Variants in DAXX observed in about 807,000 individuals in gnomAD.
DAXX encodes death domain-associated protein 6.
Under a neutral mutation model 61.9 loss-of-function variants are expected in DAXX, and 24 were observed. The ratio of observed to expected loss-of-function variants is 0.39; its 90% CI spans 0.28 to 0.55. DAXX has a LOEUF of 0.55. DAXX is among the 20% of genes least tolerant of loss of function. DAXX has a pLI of 0.69. For missense variants in DAXX, 819 were observed against 935.3 expected (o/e 0.88, Z 1.62); for synonymous variants, 357 against 369.5 (o/e 0.97, Z 0.39).
rs116382514 is a variant in DAXX, at chr6:33,322,548, C to A, written c.-53+314G>T. ...GGGGCTTTAGGTTGAAGATATTTTA[C>A]CCAAGTCCCCTCCCTTTCACCCCAC... On this transcript the variant is annotated intron_variant, in intron 1 of 7. Transcript: ENST00000374542. 1,296 of 244,330 alleles carry A rather than the reference C, an allele frequency of 5.3e-3. 9 individuals are homozygous for A. The highest frequency in any genetic ancestry group is 0.016 in the African/African-American group (682 of 43,202). The allele number at this position is 244,330 out of a possible 1,614,324, so 15.1% of individuals were successfully genotyped here. A position where few individuals can be genotyped will look rare whatever the true frequency, so the allele number is the denominator to read the frequency against.
rs2150999431 is a variant in DAXX, at chr6:33,321,762, C to T, written c.164G>A (p.Gly55Asp). 1 of 1,613,320 alleles carries T rather than the reference C, an allele frequency of 6.2e-7. No homozygotes were observed. Among genetic ancestry groups the T allele is most frequent in the Non-Finnish European group, 8.5e-7 (1 of 1,179,794 alleles). Residue 55 changes from glycine (G) to aspartate (D), a missense_variant, in exon 2 of 8, where the codon GGC becomes GAC. Transcript: ENST00000374542. This position sits in a 1 kb window ranked among gnomAD's most constrained non-coding sequence, Gnocchi z 7.2. ...HGARGSSSSGGKKCYKLENEK... is the reference protein window; with the variant it reads ...HGARGSSSSGDKKCYKLENEK... ...ATTCTCCAGCTTGTAGCATTTCTTG[C>T]CGCCCGAACTACTGCTTCCTCTGGC...
chr6:33,319,906 T>C, intron 5 of DAXX, 52 bp from the exon 6 acceptor site: 1 of 1,594,722 alleles, frequency 6.3e-7, no homozygotes, highest in Non-Finnish European at 8.5e-7. Flanking sequence ...GGGGAAAAAA[T>C]ACTGCTGAGA....
Position 33,318,974 on chromosome 6 carries a change from G to C in DAXX, c.2163+23C>G, listed in dbSNP as rs200614980. The C allele has an allele frequency of 3.1e-6, 5 of 1,591,938 alleles. No homozygotes were observed. The African/African-American group carries it at 6.7e-5, about 21-fold the overall frequency. On this transcript the variant is annotated intron_variant, in intron 7 of 7. Transcript: ENST00000374542. ...AATGAAAGAGAACAAATTGTCAGAGGAAACACGCCCTCCCCTTCTTACCTT... is the reference window on the plus strand; with the variant it reads ...AATGAAAGAGAACAAATTGTCAGAGCAAACACGCCCTCCCCTTCTTACCTT...
At position 33,319,163 on chromosome 6, in the gene DAXX, A is replaced by G. The variant is rs1770201947; in HGVS notation, c.1997T>C (p.Leu666Pro). 6.2e-7 allele frequency: 1 copy of G among 1,613,730 alleles called. No homozygotes were observed. Among genetic ancestry groups the G allele is most frequent in the African/African-American group, 1.3e-5 (1 of 74,942 alleles). Residue 666 changes from leucine (L) to proline (P), a missense_variant, in exon 7 of 8, where the codon CTG becomes CCG. Leu to Pro is a moderately conservative substitution (Grantham distance 98). Transcript: ENST00000374542. ...AGCCAAGGGGGAAGGTGGGCTGGGCAGGGTACATATCTTTTTCCCATTCTT... is the reference window on the plus strand; with the variant it reads ...AGCCAAGGGGGAAGGTGGGCTGGGCGGGGTACATATCTTTTTCCCATTCTT... ...HEKNGKKICT[L>P]PSPPSPLASL...
rs760369795 is a variant in DAXX at position 33,320,123 on chromosome 6, C to T, written c.1353G>A (p.Glu451=). The change falls in exon 5 of 8, where the codon GAG becomes GAA. Residue 451 remains glutamate (E), a synonymous_variant. Transcript: ENST00000374542. This position sits in a 1 kb window ranked among gnomAD's most constrained non-coding sequence, Gnocchi z 7.1. ...EESDEEEEEE[E]EEEEEEATDS... Reference sequence around the variant, plus strand: ...CTGTGGCCTCCTCCTCTTCTTCTTCCTCCTCCTCCTCCTCTTCCTCATCAC... The same window carrying T: ...CTGTGGCCTCCTCCTCTTCTTCTTCTTCCTCCTCCTCCTCTTCCTCATCAC... The T allele has an allele frequency of 1.5e-5, 24 of 1,581,752 alleles. No homozygotes were observed. Among genetic ancestry groups the T allele is most frequent in the Non-Finnish European group, 1.8e-5 (21 of 1,152,990 alleles).
chr6:33,321,504 G>A lies in DAXX; in HGVS notation c.271C>T (p.Arg91Trp), dbSNP rs761580201. ...HPEVVPFLYN[R>W]QQRAHSLFLA... Reference sequence around the variant, plus strand: ...AACAGAGAGTGGGCACGTTGCTGCCGGTTATAGAGGAATGGGACCACCTCA... The same window carrying A: ...AACAGAGAGTGGGCACGTTGCTGCCAGTTATAGAGGAATGGGACCACCTCA... The change falls in exon 3 of 8, where the codon CGG (arginine) becomes TGG (tryptophan). Residue 91 changes from arginine to tryptophan, a missense_variant. By Grantham distance (101) the Arg-to-Trp change is moderately radical. Transcript: ENST00000374542. This position sits in a 1 kb window ranked among gnomAD's most constrained non-coding sequence, Gnocchi z 7.2. The A allele has an allele frequency of 1.2e-6, 2 of 1,613,972 alleles. No individual in the cohort carries two copies. The highest frequency in any genetic ancestry group is 1.1e-5 in the South Asian group (1 of 91,078).
chr6:33,320,705 G>T lies in DAXX; in HGVS notation c.1039+31C>A, dbSNP rs761197665. ...TCCGCCTCATACCTGACATATAAGG[G>T]TCACTGAGAGGCATCCCACCAACCC... On this transcript the variant is annotated intron_variant, in intron 3 of 7. Coordinates refer to ENST00000374542, the MANE Select transcript of DAXX (RefSeq NM_001141969.2). The surrounding 1 kb of genome is among the most constrained non-coding windows in gnomAD (Gnocchi z 7.1). The T allele has an allele frequency of 2.5e-6, 4 of 1,610,804 alleles. No individual in the cohort carries two copies. The South Asian group carries it at 4.4e-5, about 18-fold the overall frequency.
At chr6:33,322,187 T>G (rs1770719449) in intron 1 of DAXX, among the ~76,000 whole-genome samples, 1 of 150,082 alleles carries the variant, frequency 6.7e-6, no homozygotes, top group Admixed American at 6.6e-5. Flanking sequence ...ACACCTTAAG[T>G]TGCCACCTTC....
chr6:33,321,192 G>A lies in DAXX; in HGVS notation c.583C>T (p.Leu195=), dbSNP rs762188323. The change falls in exon 3 of 8, where the codon CTG becomes TTG. Residue 195 remains leucine, a synonymous_variant. Coordinates refer to ENST00000374542, the MANE Select transcript of DAXX (RefSeq NM_001141969.2). The surrounding 1 kb of genome is among the most constrained non-coding windows in gnomAD (Gnocchi z 7.2). ...CGGATCTCTGCCACATAGAGCGCCA[G>A]CAGCTGCTCCAAACGCTGGATCTGC... ...RRQIQRLEQL[L]ALYVAEIRRL... The A allele has an allele frequency of 3.7e-6, 6 of 1,613,360 alleles. No homozygotes were observed. In the African/African-American group the frequency reaches 6.7e-5, roughly 18 times the overall value.
At chr6:33,319,349 G>C (rs2150988076) in intron 6 of DAXX, 31 bp downstream of exon 6, 1 of 1,593,964 alleles carries the variant, frequency 6.3e-7, no homozygotes, top group African/African-American at 1.3e-5. Flanking sequence ...TCCCTCCTTG[G>C]CTTCCCTCTT....
chr6:33,319,402 C>T lies in DAXX; in HGVS notation c.1918G>A (p.Gly640Arg), dbSNP rs1231150035. 1 of 1,612,660 alleles carries T rather than the reference C, an allele frequency of 6.2e-7. No homozygotes were observed. The highest frequency in any genetic ancestry group is 1.3e-5 in the African/African-American group (1 of 74,860). Residue 640 changes from glycine to arginine, a missense_variant, in exon 6 of 8, where the codon GGA (glycine) becomes AGA (arginine). Coordinates refer to ENST00000374542, the MANE Select transcript of DAXX (RefSeq NM_001141969.2). Reference sequence around the variant, plus strand: ...TACCTGTTTCCTAATGGCCCTGATCCTGTTTGCTTCTTCTCCTTCCGAGAT... The same window carrying T: ...TACCTGTTTCCTAATGGCCCTGATCTTGTTTGCTTCTTCTCCTTCCGAGAT... ...KKSRKEKKQTGSGPLGNSYVE... is the reference protein window; with the variant it reads ...KKSRKEKKQTRSGPLGNSYVE...
chr6:33,319,032 G>A lies in DAXX; in HGVS notation c.2128C>T (p.Pro710Ser), dbSNP rs1220262187. 3 of 1,613,724 alleles carry A rather than the reference G, an allele frequency of 1.9e-6. No homozygotes were observed. The highest frequency in any genetic ancestry group is 2.5e-6 in the Non-Finnish European group (3 of 1,180,010). ...IPSPARLSQT[P>S]HSQPPRPGTC... ...CCAGGCCGAGGAGGCTGTGAATGGGGGGTTTGGGACAGCCGGGCTGGAGAA... is the reference window on the plus strand; with the variant it reads ...CCAGGCCGAGGAGGCTGTGAATGGGAGGTTTGGGACAGCCGGGCTGGAGAA... The change falls in exon 7 of 8, where the codon CCC becomes TCC. Residue 710 changes from proline (P) to serine (S), a missense_variant. Pro to Ser is a moderately conservative substitution (Grantham distance 74, BLOSUM62 -1). Coordinates refer to ENST00000374542, the MANE Select transcript of DAXX (RefSeq NM_001141969.2).
rs772837276 is a variant in DAXX, at chr6:33,320,555, C to A, written c.1076G>T (p.Arg359Leu). Residue 359 changes from arginine (R) to leucine (L), a missense_variant, in exon 4 of 8, where the codon CGG becomes CTG. Physicochemically the swap from Arg to Leu is moderately radical, Grantham distance 102 (BLOSUM62 -2). Transcript: ENST00000374542. This position sits in a 1 kb window ranked among gnomAD's most constrained non-coding sequence, Gnocchi z 7.1. ...DPALSDPVLA[R>L]RLRENRSLAM... is the part of the protein sequence containing the mutation. ...CAAACTCCGGTTTTCCCGAAGGCGC[C>A]GGGCCAACACAGGATCTGATAGTGC... 3 of 1,613,940 alleles carry A rather than the reference C, an allele frequency of 1.9e-6. No individual in the cohort carries two copies. Among genetic ancestry groups the A allele is most frequent in the South Asian group, 2.2e-5 (2 of 91,082 alleles).
Position 33,320,883 on chromosome 6 carries a change from C to T in DAXX, c.892G>A (p.Ala298Thr), listed in dbSNP as rs2150994513. ...DVLRAVEKAA[A>T]RHSLGLPRQQ... ...CGGGGGAGGCCAAGGCTGTGTCGGG[C>T]AGCTGCCTTCTCTACAGCCCGAAGC... The change falls in exon 3 of 8, where the codon GCC (alanine) becomes ACC (threonine). Residue 298 changes from alanine to threonine, a missense_variant. Physicochemically the swap from Ala to Thr is moderately conservative, Grantham distance 58. Transcript: ENST00000374542. The surrounding 1 kb of genome is among the most constrained non-coding windows in gnomAD (Gnocchi z 7.1). 1.9e-6 allele frequency: 3 copies of T among 1,614,186 alleles called. No homozygotes were observed. The highest frequency in any genetic ancestry group is 2.5e-6 in the Non-Finnish European group (3 of 1,180,018).
chr6:33,318,971 G>T (rs1320515746), intron 7 of DAXX, 26 bp downstream of exon 7: 1 of 1,587,694 alleles, frequency 6.3e-7, no homozygotes, highest in South Asian at 1.1e-5. Context: ...CAAATTGTCA[G>T]AGGAAACACG....
intron 1 of DAXX, 50 bp downstream of exon 1, chr6:33,322,812 C>G: frequency 1.1e-6 from 1 of 915,404 alleles, no homozygotes. Flanking sequence ...AATACCTCTC[C>G]CTCTATATCC....
chr6:33,322,825 G>T (rs1331292456), intron 1 of DAXX, 37 bp downstream of exon 1: 9 of 552,286 alleles, frequency 1.6e-5, no homozygotes, highest in Admixed American at 3.2e-5. Flanking sequence ...CTATATCCCC[G>T]CCCCCGCCTC....
At position 33,321,666 on chromosome 6, in the gene DAXX, C is replaced by A; in HGVS notation, c.207+53G>T. 3.1e-6 allele frequency: 5 copies of A among 1,601,434 alleles called. No individual in the cohort carries two copies. The highest frequency in any genetic ancestry group is 4.3e-6 in the Non-Finnish European group (5 of 1,171,372). ...AGTGGGAAAGAAAGGACAGGAGAAC[C>A]AGTCAGCCATCCCCCTCCCTGGGGT... On this transcript the variant is annotated intron_variant, in intron 2 of 7. Transcript: ENST00000374542. The surrounding 1 kb of genome is among the most constrained non-coding windows in gnomAD (Gnocchi z 7.2).
rs1770587791 is a variant in DAXX at position 33,321,356 on chromosome 6, T to C, written c.419A>G (p.Lys140Arg). Residue 140 changes from lysine (K) to arginine (R), a missense_variant, in exon 3 of 8, where the codon AAA (lysine) becomes AGA (arginine). Lys to Arg is a conservative substitution (Grantham distance 26). Transcript: ENST00000374542. This position sits in a 1 kb window ranked among gnomAD's most constrained non-coding sequence, Gnocchi z 7.2. ...LCTVLKAHSA[K>R]KKLNLAPAAT... ...GGCAGGGGCCAAGTTCAGCTTCTTTTTGGCTGAGTGGGCCTTGAGAACAGT... is the reference window on the plus strand; with the variant it reads ...GGCAGGGGCCAAGTTCAGCTTCTTTCTGGCTGAGTGGGCCTTGAGAACAGT... The C allele has an allele frequency of 1.9e-6, 3 of 1,613,362 alleles. No individual in the cohort carries two copies. The South Asian group carries it at 3.3e-5, about 18-fold the overall frequency.
Sources: gnomAD v4.1 joint callset for allele counts (sites outside exome capture counted in the v4.1 genomes callset) on GRCh38, gnomAD v4.1.1 for gene constraint, Gnocchi (gnomAD v3.1) non-coding constraint, MANE v1.5 for transcripts, NCBI Gene and HGNC (gene_info 2026-07-23, HGNC 2026-07-21) for gene names.